The following FAM131C variants were observed in gnomAD, a reference collection of about 807,000 sequenced individuals.
FAM131C encodes protein FAM131C.
FAM131C carries 14 observed loss-of-function variants against 29.8 expected under a neutral mutation model. The observed-to-expected ratio is 0.47, with a 90% CI of 0.31 to 0.73. FAM131C has a LOEUF of 0.73. Among genes scored for constraint, FAM131C ranks in the 30% least tolerant of loss-of-function variants. FAM131C has a pLI of 0.05. For missense variants in FAM131C, 252 were observed against 383.8 expected (o/e 0.66, Z 2.87); for synonymous variants, 86 against 157.8 (o/e 0.54, Z 3.41).
At chr1:16,064,695 G>A (rs190043931) in intron 1 of FAM131C, among the ~76,000 whole-genome samples, 101 of 152,262 alleles carry the variant, frequency 6.6e-4, no homozygotes, top group African/African-American at 2.3e-3. Context: ...TCCTTCCAGC[G>A]ACTTGGCCGT....
intron 1 of FAM131C, among the ~76,000 whole-genome samples, chr1:16,072,887 G>A (rs2023767307): frequency 6.6e-6 from 1 of 152,096 alleles, no homozygotes; most frequent in African/African-American, 2.4e-5. Context: ...AGGAGGATTA[G>A]GGGGCAGGGG....
chr1:16,072,376 C>T (rs372312135), intron 1 of FAM131C, among the ~76,000 whole-genome samples: 2 of 152,148 alleles, frequency 1.3e-5, no homozygotes, highest in South Asian at 4.1e-4. Flanking sequence ...CTCAATACCC[C>T]CAGGACAAGG....
chr1:16,067,275 G>A (rs994704268), intron 1 of FAM131C, among the ~76,000 whole-genome samples: 1 of 152,208 alleles, frequency 6.6e-6, no homozygotes, highest in Non-Finnish European at 1.5e-5. Context: ...CCAGCCCAGG[G>A]TGAAATCACA....
chr1:16,062,968 G>A (rs1404281170), intron 2 of FAM131C, among the ~76,000 whole-genome samples: 2 of 152,168 alleles, frequency 1.3e-5, no homozygotes, highest in Non-Finnish European at 1.5e-5. Flanking sequence ...CTGGGGAGAA[G>A]GTAATTATAT....
chr1:16,070,485 G>T (rs2023737436), intron 1 of FAM131C, among the ~76,000 whole-genome samples: 1 of 152,038 alleles, frequency 6.6e-6, no homozygotes, highest in Non-Finnish European at 1.5e-5. Flanking sequence ...TTAGCTGTCT[G>T]CACAGACAGG....
At chr1:16,064,553 C>T (rs886692644) in intron 1 of FAM131C, among the ~76,000 whole-genome samples, 1 of 152,184 alleles carries the variant, frequency 6.6e-6, no homozygotes, top group Non-Finnish European at 1.5e-5. Flanking sequence ...ATCTCATATG[C>T]TGCGATGTGT....
chr1:16,063,155 TATAA>T (rs1001551271), intron 2 of FAM131C, among the ~76,000 whole-genome samples: 1 of 143,974 alleles, frequency 6.9e-6, no homozygotes, highest in African/African-American at 2.7e-5. Flanking sequence ...ATATAATATA[TATAA>T]GTTATATATT....
intron 1 of FAM131C, 109 bp from the exon 2 acceptor site, chr1:16,063,745 C>A: frequency 1.5e-6 from 1 of 673,210 alleles, no homozygotes; most frequent in Non-Finnish European, 2.5e-6. Flanking sequence ...TTTTATCCAA[C>A]AACATCGTAG....
chr1:16,064,869 C>G (rs990268160), intron 1 of FAM131C, among the ~76,000 whole-genome samples: 1 of 152,208 alleles, frequency 6.6e-6, no homozygotes, highest in African/African-American at 2.4e-5. Context: ...CTGCTCCAGC[C>G]TCTTCTTGGA....
At chr1:16,063,194 TATAAC>T (rs1447604508) in intron 2 of FAM131C, among the ~76,000 whole-genome samples, 1 of 149,454 alleles carries the variant, frequency 6.7e-6, no homozygotes, top group Non-Finnish European at 1.5e-5. Context: ...AAATTATATG[TATAAC>T]ATAACATATA....
chr1:16,059,658 T>C lies in FAM131C; in HGVS notation c.452-54A>G, dbSNP rs1056354809. On this transcript the variant is annotated intron_variant, in intron 5 of 6. Coordinates refer to ENST00000375662, the MANE Select transcript of FAM131C (RefSeq NM_182623.3). The stretch of plus-strand genomic sequence containing the variant: ...GGGGCATGGGTGGGGACGGCCTCAG[T>C]GCCTGATGGAGCTGCTCCAGGACAG... The C allele has an allele frequency of 4.3e-4, 634 of 1,472,844 alleles. 1 individual carries two copies. Among genetic ancestry groups the C allele is most frequent in the Middle Eastern group, 2.7e-3 (11 of 4,026 alleles). 91.2% of individuals were successfully genotyped at this position (1,472,844 alleles called of 1,614,324 possible).
At chr1:16,062,670 A>G (rs979886316) in intron 2 of FAM131C, 136 bp from the exon 3 acceptor site, 1 of 1,320,768 alleles carries the variant, frequency 7.6e-7, no homozygotes, top group Non-Finnish European at 1.0e-6. Context: ...CTGCCCTCTC[A>G]TGGGTCATGC....
chr1:16,071,461 A>C (rs1293509565), intron 1 of FAM131C, among the ~76,000 whole-genome samples: 2 of 152,224 alleles, frequency 1.3e-5, no homozygotes, highest in African/African-American at 2.4e-5. Context: ...ATGCACTCGG[A>C]GAGCATCAGT....
chr1:16,066,633 A>G (rs1434548435), intron 1 of FAM131C, among the ~76,000 whole-genome samples: 1 of 152,244 alleles, frequency 6.6e-6, no homozygotes, highest in Non-Finnish European at 1.5e-5. Flanking sequence ...AGAATGGAAT[A>G]GAATGGAAAA....
chr1:16,073,556 G>C lies in FAM131C; in HGVS notation c.-114C>G. 2.1e-6 allele frequency: 1 copy of C among 466,492 alleles called. No homozygotes were observed. Among genetic ancestry groups the C allele is most frequent in the Non-Finnish European group, 3.1e-6 (1 of 318,320 alleles). 28.9% of individuals were successfully genotyped at this position (466,492 alleles called of 1,614,324 possible). A position where few individuals can be genotyped will look rare whatever the true frequency, so the allele number is the denominator to read the frequency against. ...GGAGCCAGAGGACGGGCGGGGCGGG[G>C]GGCTCGGGCGCCCTCAGCTCGGCCT... On this transcript the variant is annotated 5_prime_UTR_variant, in exon 1 of 7. Transcript: ENST00000375662.
At chr1:16,072,388 C>A (rs1395936510) in intron 1 of FAM131C, among the ~76,000 whole-genome samples, 1 of 152,112 alleles carries the variant, frequency 6.6e-6, no homozygotes, top group Non-Finnish European at 1.5e-5. Context: ...AGGACAAGGT[C>A]CCCTCTATTC....
At chr1:16,061,797 C>T (rs980343623) in intron 4 of FAM131C, among the ~76,000 whole-genome samples, 5 of 151,674 alleles carry the variant, frequency 3.3e-5, no homozygotes, top group African/African-American at 1.2e-4. Context: ...GGAACCTGAA[C>T]TAAGGTGATG....
At chr1:16,060,545 T>G (rs2023578874) in intron 4 of FAM131C, among the ~76,000 whole-genome samples, 1 of 149,738 alleles carries the variant, frequency 6.7e-6, no homozygotes, top group South Asian at 2.2e-4. Flanking sequence ...CCTGGGTGGG[T>G]GGAGCAGGCA....
At position 16,063,504 on chromosome 1, in the gene FAM131C, G is replaced by T. The variant is rs757003155; in HGVS notation, c.138+17C>A. The T allele has an allele frequency of 1.9e-6, 3 of 1,589,634 alleles. No homozygotes were observed. Among genetic ancestry groups the T allele is most frequent in the South Asian group, 2.2e-5 (2 of 90,548 alleles). ...ACCGGGGCGCAGGTAGCACAGGGAT[G>T]AGGAGCAGCCAGTTACCTTGCCAAT... On this transcript the variant is annotated intron_variant, in intron 2 of 6. Transcript: ENST00000375662.
Sources: gnomAD v4.1 joint callset for allele counts (sites outside exome capture counted in the v4.1 genomes callset) on GRCh38, gnomAD v4.1.1 for gene constraint, MANE v1.5 for transcripts, NCBI Gene and HGNC (gene_info 2026-07-23, HGNC 2026-07-21) for gene names.